CERKL: variants seen among roughly 807,000 people sequenced by gnomAD.
CERKL encodes ceramide kinase-like protein.
CERKL carries 61 observed loss-of-function variants against 63.4 expected under a neutral mutation model. That is an observed-to-expected ratio of 0.96 (90% CI 0.78 to 1.19). The LOEUF (loss-of-function observed/expected upper bound fraction) is 1.19. Ranked by LOEUF, CERKL falls within the 50% of genes most tolerant of loss-of-function variation. The probability of loss-of-function intolerance (pLI) is 0.00; values close to 1 mark genes in which losing one functional copy is unlikely to be tolerated. For missense variants in CERKL, 675 were observed against 655.5 expected (o/e 1.03, Z -0.33); for synonymous variants, 250 against 230.5 (o/e 1.08, Z -0.77).
At chr2:181,641,729 C>T (rs1687450729) in intron 1 of CERKL, among the ~76,000 whole-genome samples, 1 of 152,082 alleles carries the variant, frequency 6.6e-6, no homozygotes, top group Admixed American at 6.6e-5. Context: ...TTGCCACTTG[C>T]TACATGCAGT....
chr2:181,649,536 A>T (rs1205126886), intron 1 of CERKL: 3 of 152,238 alleles, frequency 2.0e-5, no homozygotes, highest in Non-Finnish European at 4.4e-5. Context: ...GAAATATTGG[A>T]CTTAAGCTGA....
At chr2:181,538,393 C>G (rs1559066159) in intron 12 of CERKL, 149 bp from the exon 13 acceptor site, 1 of 610,976 alleles carries the variant, frequency 1.6e-6, no homozygotes, top group Admixed American at 2.9e-5. Context: ...CTGAGAAGGT[C>G]TGATTGATAA....
chr2:181,606,013 A>C (rs1685661197), intron 1 of CERKL, among the ~76,000 whole-genome samples: 1 of 151,816 alleles, frequency 6.6e-6, no homozygotes, highest in Non-Finnish European at 1.5e-5. Flanking sequence ...TAAAAAAAAG[A>C]AAGCATGGAA....
At chr2:181,620,420 A>G (rs1686397576) in intron 1 of CERKL, among the ~76,000 whole-genome samples, 2 of 152,166 alleles carry the variant, frequency 1.3e-5, no homozygotes, top group Non-Finnish European at 1.5e-5. Flanking sequence ...GGGTTCTGCT[A>G]CTTAGAAACA....
chr2:181,622,833 C>T (rs1686513781), intron 1 of CERKL, among the ~76,000 whole-genome samples: 1 of 152,126 alleles, frequency 6.6e-6, no homozygotes, highest in Non-Finnish European at 1.5e-5. Flanking sequence ...AATTTAAATA[C>T]AATTATGGTC....
chr2:181,586,285 T>C (rs1429085410), intron 2 of CERKL, among the ~76,000 whole-genome samples: 3 of 152,180 alleles, frequency 2.0e-5, no homozygotes, highest in Non-Finnish European at 2.9e-5. Context: ...TAAGGACTTA[T>C]GTAAAGTCAT....
intron 1 of CERKL, chr2:181,617,192 AT>A (rs1686234117): frequency 2.0e-5 from 3 of 152,242 alleles, no homozygotes; most frequent in Admixed American, 6.5e-5. Context: ...TTTTAAAAAA[AT>A]CTCCACCCTT....
intron 1 of CERKL, among the ~76,000 whole-genome samples, chr2:181,642,673 A>G (rs1252351450): frequency 6.6e-6 from 1 of 152,160 alleles, no homozygotes; most frequent in Non-Finnish European, 1.5e-5. Flanking sequence ...TTGTAACTTG[A>G]GATAGTAAGT....
intron 2 of CERKL, among the ~76,000 whole-genome samples, chr2:181,575,068 T>C (rs2105848643): frequency 6.6e-6 from 1 of 152,274 alleles, no homozygotes; most frequent in East Asian, 1.9e-4. Flanking sequence ...CTTGCCACCT[T>C]TGAATGAGTG....
chr2:181,592,548 C>A (rs1165512750), intron 2 of CERKL, among the ~76,000 whole-genome samples: 1 of 152,140 alleles, frequency 6.6e-6, no homozygotes. Flanking sequence ...AAGGATAGCA[C>A]AATCTGAATG....
chr2:181,543,819 AC>A (rs2105795408), intron 11 of CERKL, among the ~76,000 whole-genome samples: 2 of 152,114 alleles, frequency 1.3e-5, no homozygotes, highest in East Asian at 3.9e-4. Flanking sequence ...CCCTGTCTCT[AC>A]CAAAAATATA....
chr2:181,586,346 G>A (rs1185404843), intron 2 of CERKL, among the ~76,000 whole-genome samples: 1 of 151,894 alleles, frequency 6.6e-6, no homozygotes, highest in African/African-American at 2.4e-5. Context: ...CCAACACAAG[G>A]CATCAGGTAG....
chr2:181,635,461 A>AT, intron 1 of CERKL, among the ~76,000 whole-genome samples: 1 of 152,260 alleles, frequency 6.6e-6, no homozygotes, highest in East Asian at 1.9e-4. Flanking sequence ...AGGAATGGAA[A>AT]TTTTAAAATG....
chr2:181,639,637 G>A (rs557644518), intron 1 of CERKL, among the ~76,000 whole-genome samples: 2 of 152,280 alleles, frequency 1.3e-5, no homozygotes, highest in Non-Finnish European at 2.9e-5. Context: ...CACCAACTCA[G>A]ATGTCAGATA....
chr2:181,616,964 T>G (rs1226623410), intron 1 of CERKL, among the ~76,000 whole-genome samples: 1 of 152,178 alleles, frequency 6.6e-6, no homozygotes, highest in African/African-American at 2.4e-5. Context: ...TAAAAACGAT[T>G]TTTATAATAA....
intron 1 of CERKL, among the ~76,000 whole-genome samples, chr2:181,605,526 T>C (rs915602573): frequency 1.3e-5 from 2 of 152,194 alleles, no homozygotes; most frequent in African/African-American, 2.4e-5. Context: ...TATTGGTCCT[T>C]AGTGAGCTGG....
intron 1 of CERKL, among the ~76,000 whole-genome samples, chr2:181,632,372 A>G (rs936957605): frequency 2.0e-5 from 3 of 152,220 alleles, no homozygotes; most frequent in Non-Finnish European, 4.4e-5. Context: ...AAAACAAAAC[A>G]AAGCCTTGTC....
chr2:181,594,654 C>G (rs570218618), intron 2 of CERKL, among the ~76,000 whole-genome samples: 5 of 152,296 alleles, frequency 3.3e-5, no homozygotes, highest in Admixed American at 3.3e-4. Context: ...CTAGTAAAAA[C>G]AGAAAGTGAA....
At chr2:181,628,097 G>C (rs995384128) in intron 1 of CERKL, among the ~76,000 whole-genome samples, 2 of 65,804 alleles carry the variant, frequency 3.0e-5, no homozygotes, top group African/African-American at 1.3e-4. Context: ...ATTTTTTTGT[G>C]TTAAAAAAAA....
Sources: allele counts gnomAD v4.1 joint callset (sites outside exome capture counted in the v4.1 genomes callset), GRCh38; gene constraint gnomAD v4.1.1; transcripts MANE v1.5; gene names NCBI Gene and HGNC (gene_info 2026-07-23, HGNC 2026-07-21).